The following HMGCLL1 variants were observed in gnomAD, a reference collection of about 807,000 sequenced individuals.
The protein encoded by HMGCLL1 is 3-hydroxymethyl-3-methylglutaryl-CoA lyase, cytoplasmic.
In HMGCLL1, 36 loss-of-function variants were observed where a neutral mutation model predicts 39.1. That is an observed-to-expected ratio of 0.92 (90% CI 0.71 to 1.22). HMGCLL1 has a LOEUF of 1.22. Among genes scored for constraint, HMGCLL1 ranks in the 50% most tolerant of loss-of-function variants. HMGCLL1 has a pLI of 0.00. For synonymous variants in HMGCLL1, 149 were observed against 144.0 expected (o/e 1.03, Z -0.25); for missense variants, 451 against 416.5 (o/e 1.08, Z -0.72).
intron 1 of HMGCLL1, among the ~76,000 whole-genome samples, chr6:55,543,477 A>ATC (rs1491502924): frequency 4.0e-4 from 4 of 10,068 alleles, no homozygotes; most frequent in African/African-American, 7.1e-4. Context: ...TATCATATAT[A>ATC]ATATATATAT....
chr6:55,464,874 G>T (rs535504799), intron 7 of HMGCLL1, among the ~76,000 whole-genome samples: 2 of 152,236 alleles, frequency 1.3e-5, no homozygotes, highest in South Asian at 2.1e-4. Context: ...TCTAAAATGT[G>T]TCTTGTTTAC....
At chr6:55,598,236 G>T in the HMGCLL1 span, among the ~76,000 whole-genome samples, 33 of 152,082 alleles carry the variant, frequency 2.2e-4, no homozygotes, top group African/African-American at 7.2e-4. Context: ...TGTATTTAAT[G>T]ATTTTTATCC....
chr6:55,582,044 T>A (rs1442014549), upstream of HMGCLL1, among the ~76,000 whole-genome samples: 3 of 152,156 alleles, frequency 2.0e-5, no homozygotes, highest in African/African-American at 7.2e-5. Context: ...TTGCTCTTTT[T>A]CTTTTGCTAA....
At chr6:55,617,962 T>C in the HMGCLL1 span, among the ~76,000 whole-genome samples, 1 of 152,022 alleles carries the variant, frequency 6.6e-6, no homozygotes, top group Non-Finnish European at 1.5e-5. Flanking sequence ...AAAACATAGT[T>C]ATAAGGAACG....
At chr6:55,449,906 A>T (rs1764006675) in intron 7 of HMGCLL1, among the ~76,000 whole-genome samples, 1 of 143,566 alleles carries the variant, frequency 7.0e-6, no homozygotes, top group Non-Finnish European at 1.5e-5. Flanking sequence ...ATAAACTGAT[A>T]ATATATTGCT....
chr6:55,528,972 TACCCAAATGG>T (rs2127447080), intron 3 of HMGCLL1, among the ~76,000 whole-genome samples: 1 of 152,206 alleles, frequency 6.6e-6, no homozygotes, highest in African/African-American at 2.4e-5. Context: ...AGACCCAGGC[TACCCAAATGG>T]ATCTGTGAGT....
chr6:55,548,553 T>C (rs1221330437), intron 1 of HMGCLL1, among the ~76,000 whole-genome samples: 1 of 152,008 alleles, frequency 6.6e-6, no homozygotes, highest in Non-Finnish European at 1.5e-5. Context: ...TAAAATTGTT[T>C]ATTCAAATTT....
chr6:55,677,140 T>C, the HMGCLL1 span, among the ~76,000 whole-genome samples: 3 of 152,230 alleles, frequency 2.0e-5, no homozygotes, highest in African/African-American at 7.2e-5. Context: ...CTCACGCTTG[T>C]AATCCTAGCA....
At chr6:55,466,500 C>A (rs577404951) in intron 7 of HMGCLL1, among the ~76,000 whole-genome samples, 37 of 152,234 alleles carry the variant, frequency 2.4e-4, no homozygotes, top group African/African-American at 8.9e-4. Context: ...AGTGTCTGCT[C>A]TGGAGGACAG....
chr6:55,535,723 G>A (rs370802140), intron 3 of HMGCLL1, among the ~76,000 whole-genome samples: 1 of 152,130 alleles, frequency 6.6e-6, no homozygotes, highest in Non-Finnish European at 1.5e-5. Context: ...TCTTTGGGAA[G>A]GTGACAGAGG....
At chr6:55,510,416 A>T (rs1286274166) in intron 5 of HMGCLL1, among the ~76,000 whole-genome samples, 1 of 151,852 alleles carries the variant, frequency 6.6e-6, no homozygotes, top group Non-Finnish European at 1.5e-5. Flanking sequence ...GATAGACTGA[A>T]TTAAGAAAAT....
At chr6:55,611,911 CT>C in the HMGCLL1 span, among the ~76,000 whole-genome samples, 1 of 152,150 alleles carries the variant, frequency 6.6e-6, no homozygotes, top group African/African-American at 2.4e-5. Context: ...AGGATGCCCC[CT>C]CTCACCACTC....
chr6:55,521,213 T>C (rs1045250875), intron 3 of HMGCLL1, among the ~76,000 whole-genome samples: 3 of 152,106 alleles, frequency 2.0e-5, no homozygotes, highest in African/African-American at 7.2e-5. Context: ...GTGTTGTTAG[T>C]GTCATCAGCT....
intron 8 of HMGCLL1, among the ~76,000 whole-genome samples, chr6:55,436,474 A>T (rs1763376705): frequency 6.6e-6 from 1 of 151,928 alleles, no homozygotes; most frequent in Non-Finnish European, 1.5e-5. Context: ...CTTTAGTGTA[A>T]GGAAAGGGTC....
chr6:55,641,301 T>C, the HMGCLL1 span, among the ~76,000 whole-genome samples: 1 of 151,932 alleles, frequency 6.6e-6, no homozygotes, highest in East Asian at 1.9e-4. Context: ...TAATTAATTT[T>C]CTATTTATAT....
At chr6:55,650,056 G>GTTAT in the HMGCLL1 span, among the ~76,000 whole-genome samples, 2 of 48,236 alleles carry the variant, frequency 4.1e-5, no homozygotes, top group Non-Finnish European at 8.8e-5. Context: ...TGTCTGAAAG[G>GTTAT]TTATATATAT....
the HMGCLL1 span, among the ~76,000 whole-genome samples, chr6:55,639,286 T>C: frequency 1.3e-5 from 2 of 151,800 alleles, no homozygotes; most frequent in African/African-American, 4.8e-5. Flanking sequence ...AGCAGGACAG[T>C]ACCTTATTAG....
At position 55,499,288 on chromosome 6, in the gene HMGCLL1, C is replaced by T. The variant is rs368085293; in HGVS notation, c.554G>A (p.Cys185Tyr). The T allele has an allele frequency of 1.9e-6, 3 of 1,602,370 alleles. No individual in the cohort carries two copies. Among genetic ancestry groups the T allele is most frequent in the African/African-American group, 1.3e-5 (1 of 74,470 alleles). The change falls in exon 6 of 9, where the codon TGT (cysteine) becomes TAT (tyrosine). Residue 185 changes from cysteine (C) to tyrosine (Y), a missense_variant. Cys to Tyr is a radical substitution (Grantham distance 194). Coordinates refer to ENST00000274901, the MANE Select transcript of HMGCLL1 (RefSeq NM_001042406.2). ...TCCTTCATATGGACAGCCCAGAGCA[C>T]AAGACACATACCTAAATTAAAAATA... ...MNIPARGYVSCALGCPYEGSI... is the reference protein window; with the variant it reads ...MNIPARGYVSYALGCPYEGSI...
chr6:55,642,155 G>A, the HMGCLL1 span, among the ~76,000 whole-genome samples: 14,912 of 134,264 alleles, frequency 0.11, 946 homozygotes, highest in East Asian at 0.17. Flanking sequence ...GAGAATATGC[G>A]GTGTTTGGTT....
Sources: gnomAD v4.1 joint callset for allele counts (sites outside exome capture counted in the v4.1 genomes callset) on GRCh38, gnomAD v4.1.1 for gene constraint, MANE v1.5 for transcripts, NCBI Gene and HGNC (gene_info 2026-07-23, HGNC 2026-07-21) for gene names.